The following NRXN3 variants were observed in gnomAD, a reference collection of about 807,000 sequenced individuals.
NRXN3 encodes neurexin 3, also known as neurexin III.
NRXN3 carries 32 observed loss-of-function variants against 137.6 expected under a neutral mutation model. The ratio of observed to expected loss-of-function variants is 0.23; its 90% CI spans 0.18 to 0.31. NRXN3 has a LOEUF of 0.31. Among genes scored for constraint, NRXN3 ranks in the 10% least tolerant of loss-of-function variants. NRXN3 has a pLI of 1.00. For missense variants in NRXN3, 1,574 were observed against 2,062.5 expected (o/e 0.76, Z 4.59); for synonymous variants, 798 against 784.5 (o/e 1.02, Z -0.29).
At chr14:79,764,661 G>C (rs184771444) in intron 19 of NRXN3, among the ~76,000 whole-genome samples, 1 of 152,124 alleles carries the variant, frequency 6.6e-6, no homozygotes, top group East Asian at 1.9e-4. Flanking sequence ...GAAACTGCCA[G>C]TCATAGAGCA....
intron 15 of NRXN3, among the ~76,000 whole-genome samples, chr14:79,152,457 T>TGCTATATTA (rs2059886760): frequency 6.6e-6 from 1 of 152,016 alleles, no homozygotes. Flanking sequence ...CAAATGCAGA[T>TGCTATATTA]GCTATATTAG....
At chr14:79,729,769 CTGTT>C (rs2098915002) in intron 19 of NRXN3, among the ~76,000 whole-genome samples, 1 of 152,168 alleles carries the variant, frequency 6.6e-6, no homozygotes, top group Admixed American at 6.5e-5. Context: ...TGTTTTGAGC[CTGTT>C]TCTTTTATTT....
chr14:79,013,764 G>A (rs182233723), intron 15 of NRXN3, among the ~76,000 whole-genome samples: 21 of 152,222 alleles, frequency 1.4e-4, no homozygotes, highest in Admixed American at 1.3e-3. Flanking sequence ...GTGAATGTTG[G>A]TTTTCACACA....
intron 15 of NRXN3, among the ~76,000 whole-genome samples, chr14:79,380,149 CTTTTTTT>C (rs949863265): frequency 3.1e-4 from 15 of 48,942 alleles, no homozygotes; most frequent in African/African-American, 9.6e-4. Context: ...TATACTTCTT[CTTTTTTT>C]TTTTTTTTTT....
intron 16 of NRXN3, among the ~76,000 whole-genome samples, chr14:79,541,983 ATCT>A (rs2097277281): frequency 6.6e-6 from 1 of 152,236 alleles, no homozygotes; most frequent in African/African-American, 2.4e-5. Flanking sequence ...TCTTGATTAA[ATCT>A]TCTCTGTATG....
intron 16 of NRXN3, among the ~76,000 whole-genome samples, chr14:79,576,052 G>A (rs1479257315): frequency 6.6e-6 from 1 of 152,128 alleles, no homozygotes; most frequent in Non-Finnish European, 1.5e-5. Context: ...TGATTTCAAG[G>A]GGTGTGCAAA....
intron 4 of NRXN3, among the ~76,000 whole-genome samples, chr14:78,538,352 G>C (rs749316242): frequency 6.6e-6 from 1 of 152,114 alleles, no homozygotes; most frequent in Non-Finnish European, 1.5e-5. Context: ...TGGATTCCTA[G>C]GTACTTTATT....
At chr14:79,097,767 G>T (rs1218824191) in intron 15 of NRXN3, among the ~76,000 whole-genome samples, 1 of 152,168 alleles carries the variant, frequency 6.6e-6, no homozygotes, top group Non-Finnish European at 1.5e-5. Context: ...TGTAAATGTA[G>T]TATTCCCCTG....
At chr14:79,585,889 T>G (rs1392542539) in intron 16 of NRXN3, among the ~76,000 whole-genome samples, 1 of 152,154 alleles carries the variant, frequency 6.6e-6, no homozygotes, top group African/African-American at 2.4e-5. Flanking sequence ...AAATTGCTGC[T>G]GACTTATTAA....
chr14:78,945,378 T>C (rs2099363112), intron 10 of NRXN3, among the ~76,000 whole-genome samples: 1 of 152,186 alleles, frequency 6.6e-6, no homozygotes, highest in African/African-American at 2.4e-5. Context: ...TCATTTTCTG[T>C]GTACTCAGAA....
At chr14:79,180,477 C>T (rs989576166) in intron 15 of NRXN3, among the ~76,000 whole-genome samples, 6 of 152,134 alleles carry the variant, frequency 3.9e-5, no homozygotes, top group African/African-American at 1.2e-4. Context: ...CCAGTAGTTT[C>T]ACTGGTACTA....
At chr14:79,212,844 C>T (rs1206869460) in intron 15 of NRXN3, among the ~76,000 whole-genome samples, 1 of 151,286 alleles carries the variant, frequency 6.6e-6, no homozygotes, top group East Asian at 1.9e-4. Flanking sequence ...CAACATTCTC[C>T]AAATTTGTTT....
chr14:78,654,611 G>A (rs1200433633), intron 6 of NRXN3, among the ~76,000 whole-genome samples: 1 of 152,230 alleles, frequency 6.6e-6, no homozygotes, highest in East Asian at 1.9e-4. Context: ...CCACAACAAA[G>A]CGTCCACATT....
intron 4 of NRXN3, among the ~76,000 whole-genome samples, chr14:78,309,818 A>G (rs2077760813): frequency 6.6e-6 from 1 of 152,164 alleles, no homozygotes; most frequent in Non-Finnish European, 1.5e-5. Context: ...ACCAAAGCTA[A>G]TATTATAAGG....
At chr14:79,102,333 C>A (rs903475995) in intron 15 of NRXN3, among the ~76,000 whole-genome samples, 1 of 152,198 alleles carries the variant, frequency 6.6e-6, no homozygotes, top group African/African-American at 2.4e-5. Flanking sequence ...AATGCTACTT[C>A]AATTTTATAT....
chr14:79,499,956 C>CATGTGTGTGT (rs60538373), intron 16 of NRXN3, among the ~76,000 whole-genome samples: 31 of 145,234 alleles, frequency 2.1e-4, no homozygotes, highest in South Asian at 9.2e-4. Context: ...ATCTTAGGGT[C>CATGTGTGTGT]GTGTGTGTGT....
intron 15 of NRXN3, among the ~76,000 whole-genome samples, chr14:79,127,643 T>G (rs1405377121): frequency 2.6e-5 from 4 of 152,118 alleles, no homozygotes; most frequent in Admixed American, 2.6e-4. Context: ...GGCTTAGGAT[T>G]GACTTGGCGA....
intron 6 of NRXN3, among the ~76,000 whole-genome samples, chr14:78,670,718 T>C (rs1319798862): frequency 6.6e-6 from 1 of 152,210 alleles, no homozygotes; most frequent in Non-Finnish European, 1.5e-5. Context: ...GCCTTATTTT[T>C]AGGTGGATAT....
intron 15 of NRXN3, among the ~76,000 whole-genome samples, chr14:79,062,916 A>G (rs1373621910): frequency 6.6e-6 from 1 of 152,214 alleles, no homozygotes; most frequent in Non-Finnish European, 1.5e-5. Flanking sequence ...ATTGGCAGCA[A>G]TAATTCTGAG....
Sources: gnomAD v4.1 joint callset for allele counts (sites outside exome capture counted in the v4.1 genomes callset) on GRCh38, gnomAD v4.1.1 for gene constraint, MANE v1.5 for transcripts, NCBI Gene and HGNC (gene_info 2026-07-23, HGNC 2026-07-21) for gene names.